L3HYPDH: variants seen among roughly 807,000 people sequenced by gnomAD.
L3HYPDH encodes trans-3-hydroxy-L-proline dehydratase.
A neutral mutation model predicts 26.5 loss-of-function variants in L3HYPDH; 32 were observed. The ratio of observed to expected loss-of-function variants is 1.21; its 90% CI spans 0.91 to 1.62. The LOEUF (loss-of-function observed/expected upper bound fraction) is 1.62, where lower values mean the gene tolerates loss of function less well. L3HYPDH is among the 40% of genes most tolerant of loss of function. The pLI, the probability that L3HYPDH is intolerant of heterozygous loss-of-function variation, is 0.00. For missense variants in L3HYPDH, 554 were observed against 476.4 expected, an observed-to-expected ratio of 1.16 and a Z score of -1.52; for synonymous variants, 215 against 196.6, an observed-to-expected ratio of 1.09 and a Z score of -0.78.
At chr14:59,495,132 A>G in the L3HYPDH span, 10 of 1,613,720 alleles carry the variant, frequency 6.2e-6, no homozygotes, top group Non-Finnish European at 8.5e-6. Flanking sequence ...CATGTCGAGT[A>G]TTGATGCTTT....
At chr14:59,491,981 T>C in the L3HYPDH span, among the ~76,000 whole-genome samples, 1 of 152,222 alleles carries the variant, frequency 6.6e-6, no homozygotes, top group Non-Finnish European at 1.5e-5. Context: ...CCTGTAAGAC[T>C]CTTGCTCATT....
chr14:59,484,727 C>T (rs1165129826), upstream of L3HYPDH: 2 of 1,188,242 alleles, frequency 1.7e-6, no homozygotes, highest in Non-Finnish European at 2.4e-6. Flanking sequence ...CCCCGCCCGC[C>T]CTCGGGCCGG....
intron 4 of L3HYPDH, chr14:59,475,304 ATATAAGT>A (rs1399658698): frequency 1.3e-5 from 2 of 152,186 alleles, no homozygotes; most frequent in Admixed American, 6.5e-5. Flanking sequence ...GTTTTTCTTT[ATATAAGT>A]TATATCTATC....
intron 2 of L3HYPDH, chr14:59,478,957 A>G: frequency 2.5e-6 from 1 of 407,484 alleles, no homozygotes; most frequent in Non-Finnish European, 4.3e-6. Context: ...AAGAAAGTTT[A>G]CAAAATTTGT....
At chr14:59,489,856 C>T in the L3HYPDH span, among the ~76,000 whole-genome samples, 3 of 150,990 alleles carry the variant, frequency 2.0e-5, no homozygotes, top group Admixed American at 6.6e-5. Flanking sequence ...AGGGGAACCA[C>T]ATGGTGATAG....
chr14:59,476,186 T>A lies in L3HYPDH; in HGVS notation c.707A>T (p.Asp236Val). 6.2e-7 allele frequency: 1 copy of A among 1,607,334 alleles called. No individual in the cohort carries two copies. The highest frequency in any genetic ancestry group is 8.5e-7 in the Non-Finnish European group (1 of 1,174,530). The change falls in exon 3 of 5, where the codon GAC (aspartate) becomes GTC (valine). Residue 236 changes from aspartate to valine, a missense_variant. Asp to Val is a radical substitution (Grantham distance 152, BLOSUM62 -3). Transcript: ENST00000247194. ...QFKINHPDSE[D>V]LAFLYGTILT... The stretch of plus-strand genomic sequence containing the variant: ...TATAGTTCCATATAAAAAGGCAAGG[T>A]CTTCACTATCAGGATGATTAATTTT...
In L3HYPDH at chr14:59,473,204, A is replaced by G. The variant is rs544635402; in HGVS notation, c.940-114T>C. On this transcript the variant is annotated intron_variant, in intron 4 of 4. Transcript: ENST00000247194. ...GAAGGAAAGGCCAAGGGTTAATCCT[A>G]TGGGCCAGGGAAGGTTTTTAAGGAG... The G allele has an allele frequency of 1.2e-4, 111 of 951,770 alleles. No individual in the cohort carries two copies. In the African/African-American group the frequency reaches 1.8e-3, roughly 15 times the overall value. The allele number at this position is 951,770 out of a possible 1,614,324, so 59.0% of individuals were successfully genotyped here.
chr14:59,489,316 T>G (rs1431117830), upstream of L3HYPDH, among the ~76,000 whole-genome samples: 1 of 152,246 alleles, frequency 6.6e-6, no homozygotes, highest in East Asian at 1.9e-4. Context: ...CTAGATACCC[T>G]AAGTCATCAC....
At chr14:59,481,137 G>A (rs61985497) in intron 1 of L3HYPDH, among the ~76,000 whole-genome samples, 7,244 of 152,258 alleles carry the variant, frequency 0.048, 225 homozygotes, top group Non-Finnish European at 0.073. Context: ...TGGGTAGGGT[G>A]CTACACCTCA....
chr14:59,466,553 C>T (rs915341084), intron 1 of L3HYPDH, among the ~76,000 whole-genome samples: 2 of 152,192 alleles, frequency 1.3e-5, no homozygotes, highest in African/African-American at 4.8e-5. Context: ...GGGGCCCAGG[C>T]ACCTATGTTT....
At chr14:59,465,955 C>T (rs998711563) in intron 1 of L3HYPDH, among the ~76,000 whole-genome samples, 1 of 152,166 alleles carries the variant, frequency 6.6e-6, no homozygotes, top group Non-Finnish European at 1.5e-5. Flanking sequence ...GATGATGATG[C>T]TGGTCCCAGG....
intron 4 of L3HYPDH, chr14:59,475,332 G>C (rs1345839456): frequency 6.6e-6 from 1 of 152,114 alleles, no homozygotes; most frequent in Non-Finnish European, 1.5e-5. Context: ...AATATTTACT[G>C]TATTAGGAAT....
upstream of L3HYPDH, chr14:59,486,664 T>C (rs1248333819): frequency 7.6e-7 from 1 of 1,311,936 alleles, no homozygotes; most frequent in South Asian, 1.3e-5. Context: ...TGCAATTATT[T>C]TTTATAATCA....
At chr14:59,502,755 T>TGTTTTTTTTCTTTGTTTTTG in the L3HYPDH span, among the ~76,000 whole-genome samples, 2 of 122,952 alleles carry the variant, frequency 1.6e-5, no homozygotes, top group South Asian at 2.7e-4. Flanking sequence ...ATGAGATTTT[T>TGTTTTTTTTCTTTGTTTTTG]TTTTTTTTTT....
At chr14:59,497,745 G>A in the L3HYPDH span, among the ~76,000 whole-genome samples, 386 of 152,162 alleles carry the variant, frequency 2.5e-3, 5 homozygotes, top group Non-Finnish European at 7.1e-4. Context: ...TCACCCAAGA[G>A]ATCAAACATG....
At chr14:59,483,184 A>G (rs1026876020) in intron 1 of L3HYPDH, among the ~76,000 whole-genome samples, 1 of 152,242 alleles carries the variant, frequency 6.6e-6, no homozygotes, top group Non-Finnish European at 1.5e-5. Context: ...AAAAGAAGAA[A>G]CACAGGCACA....
Position 59,476,132 on chromosome 14 carries a change from T to C in L3HYPDH, c.761A>G (p.Lys254Arg), listed in dbSNP as rs199802109. 2 of 1,613,954 alleles carry C rather than the reference T, an allele frequency of 1.2e-6. No homozygotes were observed. Among genetic ancestry groups the C allele is most frequent in the Non-Finnish European group, 1.7e-6 (2 of 1,179,894 alleles). ...ILTDGKDAYT[K>R]EPTTNICVFA... is the part of the protein sequence containing the mutation. Reference sequence around the variant, plus strand: ...AACACAAATGTTGGTGGTTGGTTCCTTGGTATAAGCATCTTTTCCATCTGT... The same window carrying C: ...AACACAAATGTTGGTGGTTGGTTCCCTGGTATAAGCATCTTTTCCATCTGT... Residue 254 changes from lysine (K) to arginine (R), a missense_variant, in exon 3 of 5, where the codon AAG becomes AGG. By Grantham distance (26) the Lys-to-Arg change is conservative. Coordinates refer to ENST00000247194, the MANE Select transcript of L3HYPDH (RefSeq NM_144581.2).
the L3HYPDH span, among the ~76,000 whole-genome samples, chr14:59,490,584 G>A: frequency 4.6e-5 from 7 of 152,190 alleles, no homozygotes; most frequent in East Asian, 1.2e-3. Context: ...GAATGGAAAT[G>A]GAAAGGATGG....
the L3HYPDH span, chr14:59,495,268 C>A: frequency 1.4e-6 from 2 of 1,398,704 alleles, no homozygotes; most frequent in Non-Finnish European, 2.0e-6. Flanking sequence ...TTTTTTAAAT[C>A]TCTGAGGATT....
Sources: allele counts gnomAD v4.1 joint callset (sites outside exome capture counted in the v4.1 genomes callset), GRCh38; gene constraint gnomAD v4.1.1; transcripts MANE v1.5; gene names NCBI Gene and HGNC (gene_info 2026-07-23, HGNC 2026-07-21).